ZBTB38: variants seen among roughly 807,000 people sequenced by gnomAD.
ZBTB38 encodes zinc finger and BTB domain-containing protein 38.
Under a neutral mutation model 76.8 loss-of-function variants are expected in ZBTB38, and 20 were observed. The observed-to-expected ratio is 0.26, with a 90% confidence interval of 0.18 to 0.38. ZBTB38 has a LOEUF of 0.38. Among genes scored for constraint, ZBTB38 ranks in the 10% least tolerant of loss-of-function variants. ZBTB38 has a pLI of 1.00. For missense variants in ZBTB38, 1,082 were observed against 1,482.3 expected, an observed-to-expected ratio of 0.73 and a Z score of 4.43; for synonymous variants, 504 against 544.2, an observed-to-expected ratio of 0.93 and a Z score of 1.03.
At chr3:141,383,787 A>AT (rs775878972) in intron 3 of ZBTB38, 5 of 152,186 alleles carry the variant, frequency 3.3e-5, no homozygotes, top group African/African-American at 1.2e-4. Flanking sequence ...CTGCCAGATT[A>AT]TTTCGGGTTC....
chr3:141,364,548 A>G (rs1943905042), upstream of ZBTB38, among the ~76,000 whole-genome samples: 1 of 151,916 alleles, frequency 6.6e-6, no homozygotes, highest in South Asian at 2.1e-4. Context: ...GTGGTGGCAC[A>G]TGCCTGTAAT....
At chr3:141,339,316 C>T (rs534399584) in intron 1 of ZBTB38, among the ~76,000 whole-genome samples, 1 of 152,286 alleles carries the variant, frequency 6.6e-6, no homozygotes, top group South Asian at 2.1e-4. Context: ...AGCAACTCCA[C>T]GGGTTGATTC....
Position 141,445,823 on chromosome 3 carries a change from G to A in ZBTB38, c.3435G>A (p.Lys1145=). The part of the protein sequence containing the change: ...KTAAALGMHQ[K]KHLFKSPSQQ... ...CTGCTGCCCTTGGAATGCACCAAAA[G>A]AAACACTTATTCAAAAGCCCAAGTC... is the stretch of plus-strand genomic sequence containing the variant. The change falls in exon 6 of 6, where the codon AAG becomes AAA. Residue 1145 remains lysine (K), a synonymous_variant. Coordinates refer to ENST00000321464, the MANE Select transcript of ZBTB38 (RefSeq NM_001376113.1). This position sits in a 1 kb window ranked among gnomAD's most constrained non-coding sequence, Gnocchi z 6.5. The A allele has an allele frequency of 6.2e-7, 1 of 1,614,156 alleles. No homozygotes were observed. Among genetic ancestry groups the A allele is most frequent in the Non-Finnish European group, 8.5e-7 (1 of 1,180,038 alleles).
intron 2 of ZBTB38, among the ~76,000 whole-genome samples, chr3:141,371,871 G>A (rs529055020): frequency 1.4e-4 from 22 of 152,228 alleles, no homozygotes; most frequent in Non-Finnish European, 2.4e-4. Flanking sequence ...CCCCTCATTC[G>A]TAAATATAAA....
In ZBTB38 at chr3:141,338,793, G is replaced by A. The variant is rs369099914; in HGVS notation, c.-739+14337G>A. Among the ~76,000 whole-genome samples, 453 of 152,128 alleles carry A rather than the reference G, an allele frequency of 3.0e-3. 5 individuals carry two copies. The highest frequency in any genetic ancestry group is 0.01 in the African/African-American group (416 of 41,520). ...ATCTGCACATTGTACCCCCTGAACC[G>A]AAAAAGAAAGTTGGAAAGTTGGAAG... On this transcript the variant is annotated intron_variant, in intron 1 of 7. Coordinates refer to the ZBTB38 transcript ENST00000509842.
intron 5 of ZBTB38, among the ~76,000 whole-genome samples, chr3:141,432,492 T>C (rs2077843809): frequency 2.0e-5 from 3 of 152,212 alleles, no homozygotes; most frequent in African/African-American, 7.2e-5. Context: ...TGACTTGTAG[T>C]TCTCACTAAG....
chr3:141,416,801 G>A (rs552823845), intron 5 of ZBTB38, among the ~76,000 whole-genome samples: 2 of 152,288 alleles, frequency 1.3e-5, no homozygotes, highest in East Asian at 1.9e-4. Flanking sequence ...GAGGATAAGC[G>A]TTACGCAGCC....
At chr3:141,400,785 T>C (rs1423712290) in intron 4 of ZBTB38, among the ~76,000 whole-genome samples, 1 of 152,244 alleles carries the variant, frequency 6.6e-6, no homozygotes, top group Non-Finnish European at 1.5e-5. Context: ...AGGTAGGCAC[T>C]AATATTAAAA....
chr3:141,425,119 G>C (rs1367152099), intron 5 of ZBTB38, among the ~76,000 whole-genome samples: 1 of 152,188 alleles, frequency 6.6e-6, no homozygotes, highest in East Asian at 1.9e-4. Context: ...AGATACCAAA[G>C]TTCAGACTTT....
intron 4 of ZBTB38, among the ~76,000 whole-genome samples, chr3:141,400,053 A>G (rs2149514441): frequency 6.7e-6 from 1 of 149,026 alleles, no homozygotes; most frequent in African/African-American, 2.5e-5. Flanking sequence ...TAGAGGAAAC[A>G]CATCATGTTT....
intron 1 of ZBTB38, among the ~76,000 whole-genome samples, chr3:141,346,783 TG>T (rs1559915370): frequency 0.024 from 40 of 1,638 alleles, no homozygotes; most frequent in African/African-American, 0.036. Flanking sequence ...TGTTTTGTTT[TG>T]TGTGTGTGTG....
At chr3:141,342,443 A>G (rs1481423436) in intron 1 of ZBTB38, among the ~76,000 whole-genome samples, 1 of 151,802 alleles carries the variant, frequency 6.6e-6, no homozygotes, top group African/African-American at 2.4e-5. Flanking sequence ...CAACAAGTAT[A>G]TACGTTTATT....
intron 5 of ZBTB38, among the ~76,000 whole-genome samples, chr3:141,412,298 C>T (rs1283843811): frequency 1.3e-5 from 2 of 152,172 alleles, no homozygotes; most frequent in Non-Finnish European, 2.9e-5. Context: ...CTCGTATTCC[C>T]AAAAGGTCTC....
rs2081302951 is a variant in ZBTB38, at chr3:141,448,992, A to C, written c.*3016A>C. Reference sequence around the variant, plus strand: ...CTCCAGGAAGCATTCTGCTCCACTCATCCGTGGGAAACAAATTACATTTAT... The same window carrying C: ...CTCCAGGAAGCATTCTGCTCCACTCCTCCGTGGGAAACAAATTACATTTAT... On this transcript the variant is annotated 3_prime_UTR_variant, in exon 6 of 6. Transcript: ENST00000321464. 6.6e-6 allele frequency: 1 copy of C among 152,250 alleles called. No individual in the cohort carries two copies. The highest frequency in any genetic ancestry group is 2.4e-5 in the African/African-American group (1 of 41,472). 9.4% of individuals were successfully genotyped at this position (152,250 alleles called of 1,614,324 possible).
At chr3:141,344,920 T>C (rs144413498) in intron 1 of ZBTB38, among the ~76,000 whole-genome samples, 120 of 152,346 alleles carry the variant, frequency 7.9e-4, no homozygotes, top group African/African-American at 2.7e-3. Context: ...CTGGACATCT[T>C]TGGGGGTCCA....
intron 5 of ZBTB38, among the ~76,000 whole-genome samples, chr3:141,409,141 G>A (rs527903217): frequency 6.6e-6 from 1 of 152,154 alleles, no homozygotes; most frequent in African/African-American, 2.4e-5. Context: ...TGCCTCCCGG[G>A]TTCAAGTGAT....
chr3:141,371,365 T>C (rs1016667083), intron 2 of ZBTB38, among the ~76,000 whole-genome samples: 14 of 148,814 alleles, frequency 9.4e-5, no homozygotes, highest in African/African-American at 3.5e-4. Context: ...AACTTTTTTT[T>C]TCTTTGAGAC....
intron 1 of ZBTB38, among the ~76,000 whole-genome samples, chr3:141,331,578 A>G (rs1047190873): frequency 6.6e-6 from 1 of 151,992 alleles, no homozygotes; most frequent in African/African-American, 2.4e-5. Flanking sequence ...CACACAAATG[A>G]GAAGGAATTA....
In ZBTB38 at chr3:141,442,598, C is replaced by T; in HGVS notation, c.210C>T (p.Ser70=). The T allele has an allele frequency of 6.2e-7, 1 of 1,614,134 alleles. No individual in the cohort carries two copies. Among genetic ancestry groups the T allele is most frequent in the African/African-American group, 1.3e-5 (1 of 75,030 alleles). ...TTTGGAGCCATACAATCTGTATTTC[C>T]AGCCACGTCCTGGAGCTGGACGATC... The part of the protein sequence containing the change: ...NIFWSHTICI[S]SHVLELDDLK... The change falls in exon 6 of 6, where the codon TCC becomes TCT. Residue 70 remains serine (S), a synonymous_variant. Coordinates refer to ENST00000321464, the MANE Select transcript of ZBTB38 (RefSeq NM_001376113.1). The surrounding 1 kb of genome is among the most constrained non-coding windows in gnomAD (Gnocchi z 6.4).
Sources: allele counts gnomAD v4.1 joint callset (sites outside exome capture counted in the v4.1 genomes callset), GRCh38; gene constraint gnomAD v4.1.1; non-coding constraint Gnocchi (gnomAD v3.1); transcripts MANE v1.5; gene names NCBI Gene and HGNC (gene_info 2026-07-23, HGNC 2026-07-21).